Variants in FMN1 observed in about 807,000 individuals in gnomAD.
FMN1 encodes formin-1.
In FMN1, 110 loss-of-function variants were observed where a neutral mutation model predicts 132.4. That is an observed-to-expected ratio of 0.83 (90% CI 0.71 to 0.97). The LOEUF (loss-of-function observed/expected upper bound fraction) is 0.97. Among genes scored for constraint, FMN1 ranks in the 50% least tolerant of loss-of-function variants. The pLI is 0.00. For missense variants in FMN1, 1,792 were observed against 1,705.3 expected (o/e 1.05, Z -0.90); for synonymous variants, 722 against 651.7 (o/e 1.11, Z -1.64).
chr15:32,883,315 G>GC (rs1472199846), intron 16 of FMN1, among the ~76,000 whole-genome samples: 2 of 151,870 alleles, frequency 1.3e-5, no homozygotes, highest in African/African-American at 4.8e-5. Flanking sequence ...ACTAGCCTAG[G>GC]CAACACAGTG....
At chr15:32,838,585 G>A (rs1236079312) in intron 17 of FMN1, among the ~76,000 whole-genome samples, 5 of 152,274 alleles carry the variant, frequency 3.3e-5, no homozygotes, top group South Asian at 2.1e-4. Context: ...ACACATGCCC[G>A]CTTAAAGCCC....
intron 9 of FMN1, among the ~76,000 whole-genome samples, chr15:32,949,998 C>T (rs567997064): frequency 0.012 from 76 of 6,452 alleles, no homozygotes; most frequent in African/African-American, 0.026. Context: ...TATATATACA[C>T]ATACACATAT....
chr15:32,804,916 G>A (rs1177041931), intron 17 of FMN1, among the ~76,000 whole-genome samples: 2 of 152,100 alleles, frequency 1.3e-5, no homozygotes, highest in Non-Finnish European at 2.9e-5. Flanking sequence ...CTCATTGATG[G>A]ACATTTGGCT....
chr15:32,860,282 A>G (rs938187396), intron 16 of FMN1, among the ~76,000 whole-genome samples: 3 of 152,066 alleles, frequency 2.0e-5, no homozygotes, highest in East Asian at 3.9e-4. Flanking sequence ...AAAGAAAGGA[A>G]GAAAGGGAAA....
chr15:32,807,285 T>C (rs1028704607), intron 17 of FMN1, among the ~76,000 whole-genome samples: 13 of 152,236 alleles, frequency 8.5e-5, no homozygotes, highest in African/African-American at 2.9e-4. Flanking sequence ...AAGTGCATCA[T>C]TTTAGGCAGA....
At chr15:32,934,962 G>A (rs574784489) in intron 9 of FMN1, among the ~76,000 whole-genome samples, 38 of 146,040 alleles carry the variant, frequency 2.6e-4, no homozygotes, top group Middle Eastern at 4.0e-3. Flanking sequence ...TTGCTCTGTC[G>A]CCCAGACAGA....
rs1229843699 is a variant in FMN1, at chr15:32,785,216, A to T, written c.4131-8297T>A. 3.1e-3 allele frequency among the ~76,000 whole-genome samples: 63 copies of T among 20,102 alleles called. 3 individuals carry two copies. Among genetic ancestry groups the T allele is most frequent in the South Asian group, 6.0e-3 (3 of 498 alleles). The allele number at this position is 20,102 out of a possible 152,430, so 13.2% of individuals were successfully genotyped here. ...TGTGTGTGTGTATATATATATATATATATTTTTTTTTTTTTTTTTTTGTAG... is the reference window on the plus strand; with the variant it reads ...TGTGTGTGTGTATATATATATATATTTATTTTTTTTTTTTTTTTTTTGTAG... On this transcript the variant is annotated intron_variant, in intron 19 of 20. Transcript: ENST00000616417.
rs1025407999 is a variant in FMN1, at chr15:32,770,881, A to G, written c.*3429T>C. On this transcript the variant is annotated 3_prime_UTR_variant, in exon 21 of 21. Coordinates refer to ENST00000616417, the MANE Select transcript of FMN1 (RefSeq NM_001277313.2). ...TGCAGTGAGTGTGTAGAAAGACACCATCATCAACATAAGGATTCAAAAGGC... is the reference window on the plus strand; with the variant it reads ...TGCAGTGAGTGTGTAGAAAGACACCGTCATCAACATAAGGATTCAAAAGGC... 1 of 152,014 alleles carries G rather than the reference A, an allele frequency of 6.6e-6. No homozygotes were observed. The highest frequency in any genetic ancestry group is 1.5e-5 in the Non-Finnish European group (1 of 68,010). The allele number at this position is 152,014 out of a possible 1,614,324, so 9.4% of individuals were successfully genotyped here.
rs559004309 is a variant in FMN1, at chr15:32,851,721, G to A, written c.3928+5294C>T. ...ACACTATATAAGGACATTCTGAGAA[G>A]GGAAGAATGAAAAAGACATAAGGAT... On this transcript the variant is annotated intron_variant, in intron 17 of 20. Transcript: ENST00000616417. Among the ~76,000 whole-genome samples the A allele has an allele frequency of 8.9e-4, 136 of 152,286 alleles. No homozygotes were observed. The South Asian group carries it at 0.027, about 30-fold the overall frequency.
intron 5 of FMN1, chr15:33,067,182 C>T: frequency 2.5e-6 from 4 of 1,613,858 alleles, no homozygotes; most frequent in Non-Finnish European, 3.4e-6. Flanking sequence ...TCTTCTCCCA[C>T]CTGGTCCTGG....
Position 32,836,302 on chromosome 15 carries a change from T to C in FMN1, c.3928+20713A>G, listed in dbSNP as rs547410248. ...AGGTGATGCCTTCCCTCTGAGAATG[T>C]CCAAAGTCACAAAGCCAACTGCATG... On this transcript the variant is annotated intron_variant, in intron 17 of 20. Transcript: ENST00000616417. 1.7e-4 allele frequency among the ~76,000 whole-genome samples: 26 copies of C among 152,316 alleles called. No individual in the cohort carries two copies. In the East Asian group the frequency reaches 4.8e-3, roughly 28 times the overall value.
chr15:32,961,524 A>G (rs2030551502), intron 9 of FMN1, among the ~76,000 whole-genome samples: 1 of 152,188 alleles, frequency 6.6e-6, no homozygotes, highest in Admixed American at 6.5e-5. Context: ...ACAGAGTACT[A>G]TACTTTTTCC....
Position 32,767,918 on chromosome 15 carries a change from C to G in FMN1, c.*6392G>C, listed in dbSNP as rs2056101618. On this transcript the variant is annotated 3_prime_UTR_variant, in exon 21 of 21. Coordinates refer to ENST00000616417, the MANE Select transcript of FMN1 (RefSeq NM_001277313.2). ...TATGCAGAACACAATCTCAGTGGCG[C>G]TGAGCTACCTTCTTTATGCCTTGTG... The G allele has an allele frequency of 6.6e-6, 1 of 152,136 alleles. No individual in the cohort carries two copies. The highest frequency in any genetic ancestry group is 6.5e-5 in the Admixed American group (1 of 15,272). The allele number at this position is 152,136 out of a possible 1,614,324, so 9.4% of individuals were successfully genotyped here. A position where few individuals can be genotyped will look rare whatever the true frequency, so the allele number is the denominator to read the frequency against.
intron 17 of FMN1, among the ~76,000 whole-genome samples, chr15:32,843,095 C>G (rs889794564): frequency 6.7e-6 from 1 of 149,734 alleles, no homozygotes; most frequent in Non-Finnish European, 1.5e-5. Flanking sequence ...CCATTGCACT[C>G]TAGCCTGGGC....
At chr15:33,113,033 G>A (rs867839137) in intron 4 of FMN1, among the ~76,000 whole-genome samples, 2 of 152,146 alleles carry the variant, frequency 1.3e-5, no homozygotes, top group Middle Eastern at 3.2e-3. Context: ...GCCTCAGTGT[G>A]GCGGAACAAA....
chr15:33,144,453 G>A (rs1461096496), intron 4 of FMN1, among the ~76,000 whole-genome samples: 7 of 151,906 alleles, frequency 4.6e-5, no homozygotes, highest in Admixed American at 6.6e-5. Context: ...TGGCTAACAC[G>A]GTGAAACCCC....
At position 32,820,259 on chromosome 15, in the gene FMN1, CAG is replaced by C. The variant is rs1167552842; in HGVS notation, c.3929-15929_3929-15928del. ...CTACTATAAAAAGTGAACTGAGTAA[CAG>C]AGATTCATGATTACATAAAAAGCGG... On this transcript the variant is annotated intron_variant, in intron 17 of 20. Transcript: ENST00000616417. Among the ~76,000 whole-genome samples, 7 of 152,238 alleles carry C rather than the reference CAG, an allele frequency of 4.6e-5. No individual in the cohort carries two copies. The East Asian group carries it at 9.6e-4, about 21-fold the overall frequency.
intron 3 of FMN1, among the ~76,000 whole-genome samples, chr15:33,168,941 A>T (rs568064670): frequency 6.6e-6 from 1 of 152,350 alleles, no homozygotes; most frequent in East Asian, 1.9e-4. Flanking sequence ...TGAACAATAC[A>T]CAGCTTCCTC....
chr15:32,894,323 A>C (rs1212620838), intron 15 of FMN1, among the ~76,000 whole-genome samples: 1 of 152,046 alleles, frequency 6.6e-6, no homozygotes, highest in African/African-American at 2.4e-5. Context: ...CGTTTCTGCT[A>C]AAAATACAAA....
Sources: allele counts gnomAD v4.1 joint callset (sites outside exome capture counted in the v4.1 genomes callset), GRCh38; gene constraint gnomAD v4.1.1; transcripts MANE v1.5; gene names NCBI Gene and HGNC (gene_info 2026-07-23, HGNC 2026-07-21).